CSRNP3: variants seen among roughly 807,000 people sequenced by gnomAD.
CSRNP3 encodes the protein cysteine and serine rich nuclear protein 3.
A neutral mutation model predicts 48.0 loss-of-function variants in CSRNP3; 12 were observed. The ratio of observed to expected loss-of-function variants is 0.25; its 90% CI spans 0.16 to 0.41. The LOEUF (loss-of-function observed/expected upper bound fraction) is 0.41. Ranked by LOEUF, CSRNP3 falls within the 10% of genes least tolerant of loss-of-function variation. CSRNP3 has a pLI of 1.00. For missense variants in CSRNP3, 580 were observed against 724.4 expected, an observed-to-expected ratio of 0.80 and a Z score of 2.29; for synonymous variants, 263 against 269.7, an observed-to-expected ratio of 0.98 and a Z score of 0.24.
chr2:165,580,633 T>G (rs1396795715), intron 3 of CSRNP3, among the ~76,000 whole-genome samples: 1 of 152,180 alleles, frequency 6.6e-6, no homozygotes, highest in African/African-American at 2.4e-5. Context: ...GGAAAATGTT[T>G]TTTTAAAGTC....
intron 3 of CSRNP3, among the ~76,000 whole-genome samples, chr2:165,527,459 C>T (rs1220071085): frequency 6.6e-6 from 1 of 151,960 alleles, no homozygotes; most frequent in Non-Finnish European, 1.5e-5. Context: ...TCCTGCTCAG[C>T]CTCCTAAAGT....
intron 1 of CSRNP3, among the ~76,000 whole-genome samples, chr2:165,477,383 C>T (rs1683975339): frequency 6.7e-6 from 1 of 149,768 alleles, no homozygotes; most frequent in African/African-American, 2.5e-5. Context: ...CTTTGGGAGG[C>T]CGAGGCAGGC....
intron 4 of CSRNP3, among the ~76,000 whole-genome samples, chr2:165,651,717 G>A (rs1192718739): frequency 8.0e-5 from 12 of 149,742 alleles, no homozygotes; most frequent in Non-Finnish European, 1.8e-4. Context: ...GGGCAAAGGC[G>A]TGATCTCAGC....
At chr2:165,520,428 C>T (rs1422400498) in intron 3 of CSRNP3, among the ~76,000 whole-genome samples, 2 of 151,876 alleles carry the variant, frequency 1.3e-5, no homozygotes, top group Non-Finnish European at 2.9e-5. Context: ...GAGGTTTAGC[C>T]GATTTTGTAT....
intron 3 of CSRNP3, among the ~76,000 whole-genome samples, chr2:165,534,267 T>C (rs531735517): frequency 7.6e-4 from 116 of 152,156 alleles, no homozygotes; most frequent in African/African-American, 2.8e-3. Context: ...TTCTACTACT[T>C]CCCATTTTTT....
At chr2:165,646,144 C>G (rs1331313305) in intron 4 of CSRNP3, among the ~76,000 whole-genome samples, 3 of 152,016 alleles carry the variant, frequency 2.0e-5, no homozygotes, top group Non-Finnish European at 4.4e-5. Context: ...GATTTTTATT[C>G]AGGATAAGTA....
At chr2:165,495,214 A>G (rs1233441135) in intron 2 of CSRNP3, among the ~76,000 whole-genome samples, 2 of 152,060 alleles carry the variant, frequency 1.3e-5, no homozygotes, top group East Asian at 1.9e-4. Context: ...AAATAAATCT[A>G]TCTTTTGAAA....
At chr2:165,472,197 T>C (rs901097586) in intron 1 of CSRNP3, among the ~76,000 whole-genome samples, 15 of 152,046 alleles carry the variant, frequency 9.9e-5, no homozygotes, top group African/African-American at 3.6e-4. Flanking sequence ...GTCCAGGCTA[T>C]GGATAGTGAG....
At position 165,679,699 on chromosome 2, in the gene CSRNP3, C is replaced by T; in HGVS notation, c.1704C>T (p.Ser568=). 1 of 1,614,076 alleles carries T rather than the reference C, an allele frequency of 6.2e-7. No homozygotes were observed. Among genetic ancestry groups the T allele is most frequent in the Non-Finnish European group, 8.5e-7 (1 of 1,179,970 alleles). ...AENSLSLAEK[S]ILHEECIKSP... ...ATTCTTTGAGCCTTGCAGAAAAGAG[C>T]ATATTGCATGAAGAGTGCATCAAAT... The change falls in exon 7 of 7, where the codon AGC becomes AGT. Residue 568 remains serine (S), a synonymous_variant. Transcript: ENST00000651982.
intron 4 of CSRNP3, among the ~76,000 whole-genome samples, chr2:165,639,229 G>A (rs978243427): frequency 1.3e-5 from 2 of 152,106 alleles, no homozygotes; most frequent in African/African-American, 2.4e-5. Flanking sequence ...AGCACAAAAC[G>A]TGCAAATAAT....
At chr2:165,599,109 A>C (rs1485459458) in intron 4 of CSRNP3, among the ~76,000 whole-genome samples, 1 of 151,774 alleles carries the variant, frequency 6.6e-6, no homozygotes, top group East Asian at 1.9e-4. Flanking sequence ...ATGGTGGTGC[A>C]TGCCTGTGGT....
intron 3 of CSRNP3, among the ~76,000 whole-genome samples, chr2:165,566,014 T>C (rs1026140882): frequency 6.6e-6 from 1 of 152,010 alleles, no homozygotes; most frequent in South Asian, 2.1e-4. Context: ...GAATCGTCTA[T>C]CTGGGTTCAT....
At chr2:165,643,820 T>C (rs1258786914) in intron 4 of CSRNP3, among the ~76,000 whole-genome samples, 1 of 152,184 alleles carries the variant, frequency 6.6e-6, no homozygotes, top group Non-Finnish European at 1.5e-5. Context: ...ATTATCTATC[T>C]TAGAACACAT....
At chr2:165,496,011 C>A (rs1472920765) in intron 2 of CSRNP3, among the ~76,000 whole-genome samples, 1 of 151,938 alleles carries the variant, frequency 6.6e-6, no homozygotes, top group Non-Finnish European at 1.5e-5. Flanking sequence ...AAAAATTACA[C>A]TAAAGTTCAT....
chr2:165,547,969 G>A (rs996819353), intron 3 of CSRNP3, among the ~76,000 whole-genome samples: 2 of 152,018 alleles, frequency 1.3e-5, no homozygotes, highest in Non-Finnish European at 2.9e-5. Context: ...GATTATATGT[G>A]TTGTTTTCAA....
At chr2:165,627,339 G>A (rs1361189409) in intron 4 of CSRNP3, among the ~76,000 whole-genome samples, 1 of 151,900 alleles carries the variant, frequency 6.6e-6, no homozygotes, top group African/African-American at 2.4e-5. Context: ...TCTTTGCCTT[G>A]TTCTTCTTTC....
Position 165,684,569 on chromosome 2 carries a change from T to C in CSRNP3, c.*4816T>C, listed in dbSNP as rs535885656. The C allele has an allele frequency of 6.6e-6, 1 of 152,136 alleles. No homozygotes were observed. 9.4% of individuals were successfully genotyped at this position (152,136 alleles called of 1,614,324 possible). On this transcript the variant is annotated 3_prime_UTR_variant, in exon 7 of 7. Coordinates refer to ENST00000651982, the MANE Select transcript of CSRNP3 (RefSeq NM_001172173.2). Reference sequence around the variant, plus strand: ...CCAAAGTTTAAAGGCTTGATTACTCTATATTAGGTCTAATATGAATTTTCA... The same window carrying C: ...CCAAAGTTTAAAGGCTTGATTACTCCATATTAGGTCTAATATGAATTTTCA...
chr2:165,508,199 T>G (rs560679885), intron 2 of CSRNP3, among the ~76,000 whole-genome samples: 1 of 152,166 alleles, frequency 6.6e-6, no homozygotes, highest in South Asian at 2.1e-4. Flanking sequence ...CAGGACCATC[T>G]GTAAGAATTT....
chr2:165,598,640 T>C (rs193206501), intron 4 of CSRNP3, among the ~76,000 whole-genome samples: 1 of 152,268 alleles, frequency 6.6e-6, no homozygotes, highest in East Asian at 1.9e-4. Context: ...TTTTTTTCAT[T>C]GAAGAAAGTA....
Sources: allele counts gnomAD v4.1 joint callset (sites outside exome capture counted in the v4.1 genomes callset), GRCh38; gene constraint gnomAD v4.1.1; transcripts MANE v1.5; gene names NCBI Gene and HGNC (gene_info 2026-07-23, HGNC 2026-07-21).